SLC38A7: variants seen among roughly 807,000 people sequenced by gnomAD.
The protein encoded by SLC38A7 is sodium-coupled neutral amino acid transporter 7.
In SLC38A7, 29 loss-of-function variants were observed where a neutral mutation model predicts 50.1. The ratio of observed to expected loss-of-function variants is 0.58; its 90% CI spans 0.43 to 0.79. The LOEUF (loss-of-function observed/expected upper bound fraction) is 0.79, where lower values mean the gene tolerates loss of function less well. SLC38A7 is among the 30% of genes least tolerant of loss of function. The pLI is 0.00. For synonymous variants in SLC38A7, 244 were observed against 245.9 expected, an observed-to-expected ratio of 0.99 and a Z score of 0.07; for missense variants, 483 against 610.6, an observed-to-expected ratio of 0.79 and a Z score of 2.20.
At chr16:58,674,857 T>G (rs2044231461) in intron 8 of SLC38A7, among the ~76,000 whole-genome samples, 1 of 151,994 alleles carries the variant, frequency 6.6e-6, no homozygotes, top group Non-Finnish European at 1.5e-5. Flanking sequence ...TCTCCTAGAC[T>G]TGCTCCCTCA....
intron 2 of SLC38A7, chr16:58,681,589 C>T (rs7205035): frequency 0.42 from 63,752 of 151,828 alleles, 14,694 homozygotes; most frequent in African/African-American, 0.6. Context: ...CAGCCCTGGG[C>T]AGGGCTGTGA....
At chr16:58,684,285 C>T (rs1260930519) in intron 1 of SLC38A7, 107 bp from the exon 2 acceptor site, 2 of 152,544 alleles carry the variant, frequency 1.3e-5, no homozygotes, top group Non-Finnish European at 2.9e-5. Flanking sequence ...ATGCTCAGGC[C>T]AGCGATGTAG....
Position 58,680,261 on chromosome 16 carries a change from G to T in SLC38A7, c.-115-20C>A. The T allele has an allele frequency of 1.0e-6, 1 of 985,512 alleles. No homozygotes were observed. The highest frequency in any genetic ancestry group is 1.4e-6 in the Non-Finnish European group (1 of 730,976). 61.0% of individuals were successfully genotyped at this position (985,512 alleles called of 1,614,324 possible). On this transcript the variant is annotated intron_variant, in intron 2 of 11. Coordinates refer to ENST00000219320, the MANE Select transcript of SLC38A7 (RefSeq NM_018231.3). ...CTCAACCTAGATGGGACAAAGGCAG[G>T]CACTACTGTTATCCTAAGATGGGGG...
chr16:58,672,372 A>C, intron 8 of SLC38A7, 129 bp from the exon 9 acceptor site: 1 of 1,008,392 alleles, frequency 9.9e-7, no homozygotes, highest in Non-Finnish European at 1.4e-6. Flanking sequence ...GGAGGCTCAG[A>C]GTGGGAGATG....
chr16:58,680,128 G>T lies in SLC38A7; in HGVS notation c.-2C>A. 1 of 1,515,930 alleles carries T rather than the reference G, an allele frequency of 6.6e-7. No individual in the cohort carries two copies. Among genetic ancestry groups the T allele is most frequent in the Non-Finnish European group, 8.8e-7 (1 of 1,131,278 alleles). The allele number at this position is 1,515,930 out of a possible 1,614,324, so 93.9% of individuals were successfully genotyped here. The stretch of plus-strand genomic sequence containing the variant: ...ATTGTTGATGCTGACCTGGGCCATG[G>T]CCCCGAGAGCCTTCTTCCTGCAAGG... On this transcript the variant is annotated 5_prime_UTR_variant, in exon 3 of 12. Transcript: ENST00000219320.
chr16:58,676,068 G>A lies in SLC38A7; in HGVS notation c.769-14C>T. On this transcript the variant is annotated splice_polypyrimidine_tract_variant and intron_variant, in intron 7 of 11. Transcript: ENST00000219320. ...GCTGACGTGGCACTGTCCAGGTGAA[G>A]GGCACCGTCATGGTGGGGAAATGAC... The A allele has an allele frequency of 1.2e-6, 2 of 1,610,690 alleles. No individual in the cohort carries two copies. Among genetic ancestry groups the A allele is most frequent in the African/African-American group, 1.3e-5 (1 of 74,944 alleles).
At chr16:58,682,262 A>C (rs960656516) in intron 2 of SLC38A7, among the ~76,000 whole-genome samples, 1 of 152,138 alleles carries the variant, frequency 6.6e-6, no homozygotes. Context: ...AGCAGGAAGA[A>C]GGCCAGATTT....
chr16:58,671,960 C>T, intron 9 of SLC38A7, 136 bp downstream of exon 9: 1 of 1,079,112 alleles, frequency 9.3e-7, no homozygotes, highest in Non-Finnish European at 1.3e-6. Context: ...ATGTAGGGAC[C>T]CATCCTAGGC....
rs541748233 is a variant in SLC38A7 at position 58,679,243 on chromosome 16, T to G, written c.271-349A>C. On this transcript the variant is annotated intron_variant, in intron 3 of 11. Coordinates refer to ENST00000219320, the MANE Select transcript of SLC38A7 (RefSeq NM_018231.3). ...CCCGTCTCTACTAAAAATACAAAAA[T>G]TAGCTGGGCATGGTGGTGGGTGCCT... Among the ~76,000 whole-genome samples, 3 of 151,956 alleles carry G rather than the reference T, an allele frequency of 2.0e-5. 1 individual carries two copies. In the South Asian group the frequency reaches 6.3e-4, roughly 32 times the overall value.
chr16:58,678,127 T>C lies in SLC38A7; in HGVS notation c.611+206A>G, dbSNP rs2152081161. Reference sequence around the variant, plus strand: ...ATGCAAAAGGACATTTAGAACTGAATCTCTCATGGATGCATCCTTTTTCTA... The same window carrying C: ...ATGCAAAAGGACATTTAGAACTGAACCTCTCATGGATGCATCCTTTTTCTA... On this transcript the variant is annotated intron_variant, in intron 5 of 11. Coordinates refer to ENST00000219320, the MANE Select transcript of SLC38A7 (RefSeq NM_018231.3). This position sits in a 1 kb window ranked among gnomAD's most constrained non-coding sequence, Gnocchi z 4.0. Among the ~76,000 whole-genome samples, 1 of 152,250 alleles carries C rather than the reference T, an allele frequency of 6.6e-6. No individual in the cohort carries two copies.
At chr16:58,677,517 C>T in intron 5 of SLC38A7, 93 bp from the exon 6 acceptor site, 1 of 1,058,750 alleles carries the variant, frequency 9.4e-7, no homozygotes. Context: ...CTAGCGACCA[C>T]AAGTGTCCAC....
Position 58,667,138 on chromosome 16 carries a change from G to GAACT in SLC38A7, c.*246_*247insAGTT, listed in dbSNP as rs1567467476. The GAACT allele has an allele frequency of 5.5e-5, 28 of 511,164 alleles. No homozygotes were observed. The highest frequency in any genetic ancestry group is 3.8e-4 in the East Asian group (12 of 31,932). The allele number at this position is 511,164 out of a possible 1,614,324, so 31.7% of individuals were successfully genotyped here. A position where few individuals can be genotyped will look rare whatever the true frequency, so the allele number is the denominator to read the frequency against. ...GAAGTTGAGAACTGGGAGAGGAGGA[G>GAACT]GGGTCCTCTATGATGTGAGACTTCC... On this transcript the variant is annotated 3_prime_UTR_variant, in exon 12 of 12. Coordinates refer to ENST00000219320, the MANE Select transcript of SLC38A7 (RefSeq NM_018231.3).
intron 3 of SLC38A7, chr16:58,679,624 A>G (rs1021339352): frequency 1.8e-6 from 1 of 567,744 alleles, no homozygotes; most frequent in African/African-American, 1.9e-5. Context: ...TGTTACACCT[A>G]AAAAATTAGA....
intron 11 of SLC38A7, 139 bp downstream of exon 11, chr16:58,669,974 C>CAAA (rs113220781): frequency 1.6e-4 from 93 of 591,134 alleles, no homozygotes; most frequent in Middle Eastern, 6.2e-4. Context: ...GACTCCGGCT[C>CAAA]AAAAAAAAAA....
chr16:58,680,913 AC>A (rs943319392), intron 2 of SLC38A7, among the ~76,000 whole-genome samples: 8 of 152,054 alleles, frequency 5.3e-5, no homozygotes, highest in Non-Finnish European at 8.8e-5. Flanking sequence ...CTTTGCCGCC[AC>A]CCTTTTAGGT....
At chr16:58,677,779 T>C (rs547946984) in intron 5 of SLC38A7, among the ~76,000 whole-genome samples, 1 of 152,304 alleles carries the variant, frequency 6.6e-6, no homozygotes, top group East Asian at 1.9e-4. Flanking sequence ...CCTCTGAGCC[T>C]GGCCTTTGAG....
intron 8 of SLC38A7, among the ~76,000 whole-genome samples, chr16:58,673,368 T>A (rs1299294741): frequency 6.6e-6 from 1 of 151,954 alleles, no homozygotes; most frequent in African/African-American, 2.4e-5. Flanking sequence ...CCCGAGTAGC[T>A]GGGATTACAG....
In SLC38A7 at chr16:58,678,199, C is replaced by T. The variant is rs983043715; in HGVS notation, c.611+134G>A. The T allele has an allele frequency of 1.8e-5, 18 of 1,018,912 alleles. No individual in the cohort carries two copies. The highest frequency in any genetic ancestry group is 5.4e-5 in the South Asian group (2 of 37,192). The allele number at this position is 1,018,912 out of a possible 1,614,324, so 63.1% of individuals were successfully genotyped here. On this transcript the variant is annotated intron_variant, in intron 5 of 11. Coordinates refer to ENST00000219320, the MANE Select transcript of SLC38A7 (RefSeq NM_018231.3). This position sits in a 1 kb window ranked among gnomAD's most constrained non-coding sequence, Gnocchi z 4.0. ...GTCTTATCTGAAACCCTGCAAGCCC[C>T]GGTCTGCCCTGCCTTGCCTACTCTT...
At position 58,678,394 on chromosome 16, in the gene SLC38A7, C is replaced by A; in HGVS notation, c.550G>T (p.Ala184Ser). ...GAGAGGGGCAGGATGAAGAGGAAGG[C>A]AGTGAGGCTGATGGTGAACTTGCGG... Reference protein sequence around the residue: ...TDRKFTISLTAFLFILPLSIP... With the variant: ...TDRKFTISLTSFLFILPLSIP... Residue 184 changes from alanine to serine, a missense_variant, in exon 5 of 12, where the codon GCC becomes TCC. Ala to Ser is a moderately conservative substitution (Grantham distance 99). Transcript: ENST00000219320. This position sits in a 1 kb window ranked among gnomAD's most constrained non-coding sequence, Gnocchi z 4.0. 1 of 1,600,930 alleles carries A rather than the reference C, an allele frequency of 6.2e-7. No homozygotes were observed. Among genetic ancestry groups the A allele is most frequent in the South Asian group, 1.1e-5 (1 of 89,182 alleles).
Sources: gnomAD v4.1 joint callset for allele counts (sites outside exome capture counted in the v4.1 genomes callset) on GRCh38, gnomAD v4.1.1 for gene constraint, Gnocchi (gnomAD v3.1) non-coding constraint, MANE v1.5 for transcripts, NCBI Gene and HGNC (gene_info 2026-07-23, HGNC 2026-07-21) for gene names.